The following CGRRF1 variants were observed in gnomAD, a reference collection of about 807,000 sequenced individuals.
CGRRF1 encodes the protein cell growth regulator with ring finger domain 1.
In CGRRF1, 32 loss-of-function variants were observed where a neutral mutation model predicts 37.2. That is an observed-to-expected ratio of 0.86 (90% CI 0.65 to 1.16). The LOEUF (loss-of-function observed/expected upper bound fraction) is 1.16. CGRRF1 is among the 50% of genes most tolerant of loss of function. The probability of loss-of-function intolerance (pLI) is 0.00; values close to 1 mark genes in which losing one functional copy is unlikely to be tolerated. For synonymous variants in CGRRF1, 141 were observed against 140.3 expected, an observed-to-expected ratio of 1.00 and a Z score of -0.04; for missense variants, 391 against 382.6, an observed-to-expected ratio of 1.02 and a Z score of -0.18.
intron 1 of CGRRF1, among the ~76,000 whole-genome samples, chr14:54,518,091 GC>G (rs2032247036): frequency 6.6e-6 from 1 of 152,120 alleles, no homozygotes; most frequent in African/African-American, 2.4e-5. Context: ...ATATATGCAT[GC>G]ATGTATCTTT....
At chr14:54,520,992 T>C (rs1036016839) in intron 1 of CGRRF1, among the ~76,000 whole-genome samples, 21 of 152,342 alleles carry the variant, frequency 1.4e-4, no homozygotes, top group African/African-American at 4.6e-4. Flanking sequence ...AATTTTAGAT[T>C]ATTTTATGTA....
Position 54,530,088 on chromosome 14 carries a change from T to C in CGRRF1, c.284T>C (p.Leu95Pro), listed in dbSNP as rs770256862. ...ACAACAGATTGCCTTGAAGATAGCC[T>C]CCTTACATGCTACTGGGGGTGCAGT... ...TLTTDCLEDS[L>P]LTCYWGCSVQ... is the part of the protein sequence containing the mutation. The change falls in exon 3 of 6, where the codon CTC becomes CCC. Residue 95 changes from leucine (L) to proline (P), a missense_variant. Leu to Pro is a moderately conservative substitution (Grantham distance 98, BLOSUM62 -3). Coordinates refer to ENST00000216420, the MANE Select transcript of CGRRF1 (RefSeq NM_006568.3). 29 of 1,612,800 alleles carry C rather than the reference T, an allele frequency of 1.8e-5. No individual in the cohort carries two copies. In the East Asian group the frequency reaches 6.5e-4, roughly 36 times the overall value.
At chr14:54,529,145 CTTTTTATCT>C (rs1240491569) in intron 2 of CGRRF1, among the ~76,000 whole-genome samples, 1 of 152,070 alleles carries the variant, frequency 6.6e-6, no homozygotes, top group Non-Finnish European at 1.5e-5. Flanking sequence ...AAACCAGGCC[CTTTTTATCT>C]AGTCAGTGTA....
chr14:54,512,957 A>G (rs2032154233), intron 1 of CGRRF1, among the ~76,000 whole-genome samples: 1 of 152,222 alleles, frequency 6.6e-6, no homozygotes, highest in Non-Finnish European at 1.5e-5. Flanking sequence ...TTATCACATA[A>G]GTAGGACTCA....
intron 2 of CGRRF1, among the ~76,000 whole-genome samples, 190 bp from the exon 3 acceptor site, chr14:54,529,859 C>G (rs1181626951): frequency 6.6e-6 from 1 of 152,044 alleles, no homozygotes; most frequent in Non-Finnish European, 1.5e-5. Context: ...AATGTGTAGA[C>G]ATTGAGCTTT....
At chr14:54,532,933 C>CT (rs2032539944) in intron 4 of CGRRF1, among the ~76,000 whole-genome samples, 1 of 152,126 alleles carries the variant, frequency 6.6e-6, no homozygotes, top group African/African-American at 2.4e-5. Flanking sequence ...GGAAGCCCTT[C>CT]TGCCCCCACT....
intron 2 of CGRRF1, among the ~76,000 whole-genome samples, chr14:54,526,668 T>C (rs928346198): frequency 1.3e-5 from 2 of 152,196 alleles, no homozygotes; most frequent in African/African-American, 4.8e-5. Context: ...TTGAATTAAT[T>C]TGATTCAGGA....
intron 1 of CGRRF1, among the ~76,000 whole-genome samples, chr14:54,512,855 C>A (rs866542534): frequency 1.7e-4 from 26 of 152,198 alleles, no homozygotes; most frequent in African/African-American, 6.0e-4. Context: ...AGTCTCTCCT[C>A]CACATTTCTA....
chr14:54,515,914 A>G (rs1317363368), intron 1 of CGRRF1, among the ~76,000 whole-genome samples: 2 of 152,056 alleles, frequency 1.3e-5, no homozygotes, highest in Non-Finnish European at 2.9e-5. Flanking sequence ...TTTACATTTA[A>G]TGTGATTATT....
intron 2 of CGRRF1, among the ~76,000 whole-genome samples, chr14:54,524,465 A>G (rs969656391): frequency 6.7e-6 from 1 of 148,764 alleles, no homozygotes; most frequent in Non-Finnish European, 1.5e-5. Context: ...ACCTCACTGC[A>G]GCCCCAATAC....
At chr14:54,520,677 G>C (rs2032301884) in intron 1 of CGRRF1, among the ~76,000 whole-genome samples, 1 of 152,096 alleles carries the variant, frequency 6.6e-6, no homozygotes, top group South Asian at 2.1e-4. Flanking sequence ...TTTGTGTAAG[G>C]CTTCTTTTGC....
At chr14:54,516,580 T>C (rs936582116) in intron 1 of CGRRF1, among the ~76,000 whole-genome samples, 5 of 152,166 alleles carry the variant, frequency 3.3e-5, no homozygotes, top group African/African-American at 9.6e-5. Flanking sequence ...TTCTTTCTTT[T>C]TCTTAGGATT....
intron 2 of CGRRF1, among the ~76,000 whole-genome samples, chr14:54,526,523 T>G (rs570317102): frequency 6.0e-4 from 91 of 152,200 alleles, no homozygotes; most frequent in African/African-American, 2.1e-3. Flanking sequence ...TTAGTTCTGT[T>G]TACTAGGGGT....
intron 1 of CGRRF1, among the ~76,000 whole-genome samples, chr14:54,515,359 T>C (rs966840521): frequency 6.6e-6 from 1 of 152,052 alleles, no homozygotes; most frequent in African/African-American, 2.4e-5. Flanking sequence ...CCCGAAGTGC[T>C]GGGATTACAG....
In CGRRF1 at chr14:54,533,928, C is replaced by G. The variant is rs560443762; in HGVS notation, c.570+2878C>G. Among the ~76,000 whole-genome samples, 35 of 151,994 alleles carry G rather than the reference C, an allele frequency of 2.3e-4. No individual in the cohort carries two copies. In the East Asian group the frequency reaches 5.4e-3, roughly 23 times the overall value. ...AAAAATAATCACTGTGAATATTTGT[C>G]TGTATCTTTCCAAATCTTTATATAT... On this transcript the variant is annotated intron_variant, in intron 4 of 5. Transcript: ENST00000216420.
At position 54,537,799 on chromosome 14, in the gene CGRRF1, C is replaced by G. The variant is rs749496888; in HGVS notation, c.648C>G (p.Leu216=). The G allele has an allele frequency of 6.2e-7, 1 of 1,602,550 alleles. No homozygotes were observed. Among genetic ancestry groups the G allele is most frequent in the Non-Finnish European group, 8.5e-7 (1 of 1,177,094 alleles). ...LSCRILYQYL[L]LAQGQFHDLK... ...GCAGAATATTGTATCAATATTTACTCTTGGCTCAAGGTCAATTTCATGATC... is the reference window on the plus strand; with the variant it reads ...GCAGAATATTGTATCAATATTTACTGTTGGCTCAAGGTCAATTTCATGATC... Residue 216 remains leucine (L), a synonymous_variant, in exon 5 of 6, where the codon CTC becomes CTG. Coordinates refer to ENST00000216420, the MANE Select transcript of CGRRF1 (RefSeq NM_006568.3).
chr14:54,535,359 T>TCACACACACACACACA (rs143950400), intron 4 of CGRRF1, among the ~76,000 whole-genome samples: 3,008 of 140,474 alleles, frequency 0.021, 84 homozygotes, highest in East Asian at 0.14. Context: ...AAGGGTATAG[T>TCACACACACACACACA]CACACACACA....
intron 4 of CGRRF1, among the ~76,000 whole-genome samples, chr14:54,535,741 G>A (rs916092796): frequency 5.9e-5 from 9 of 152,102 alleles, no homozygotes; most frequent in African/African-American, 2.2e-4. Flanking sequence ...TGTGATGGTT[G>A]CAAAATTATT....
At chr14:54,516,391 T>C (rs1203236085) in intron 1 of CGRRF1, among the ~76,000 whole-genome samples, 2 of 152,162 alleles carry the variant, frequency 1.3e-5, no homozygotes, top group African/African-American at 4.8e-5. Flanking sequence ...TTTATTTTGC[T>C]TTGGAAAAAT....
Sources: allele counts gnomAD v4.1 joint callset (sites outside exome capture counted in the v4.1 genomes callset), GRCh38; gene constraint gnomAD v4.1.1; transcripts MANE v1.5; gene names NCBI Gene and HGNC (gene_info 2026-07-23, HGNC 2026-07-21).